MCMBP: variants seen among roughly 807,000 people sequenced by gnomAD.
The protein encoded by MCMBP is mini-chromosome maintenance complex-binding protein.
Under a neutral mutation model 81.3 loss-of-function variants are expected in MCMBP, and 31 were observed. The ratio of observed to expected loss-of-function variants is 0.38; its 90% CI spans 0.29 to 0.51. The LOEUF is 0.51. Ranked by LOEUF, MCMBP falls within the 20% of genes least tolerant of loss-of-function variation. The pLI is 0.87. For synonymous variants in MCMBP, 267 were observed against 275.9 expected, an observed-to-expected ratio of 0.97 and a Z score of 0.32; for missense variants, 645 against 772.1, an observed-to-expected ratio of 0.84 and a Z score of 1.95.
chr10:119,861,559 C>T (rs1429081840), intron 1 of MCMBP, among the ~76,000 whole-genome samples: 3 of 151,790 alleles, frequency 2.0e-5, no homozygotes, highest in Non-Finnish European at 4.4e-5. Flanking sequence ...GGTATTTTCG[C>T]TTGTATTCAA....
At chr10:119,868,375 G>A (rs577216201) in intron 1 of MCMBP, among the ~76,000 whole-genome samples, 4 of 152,284 alleles carry the variant, frequency 2.6e-5, no homozygotes, top group African/African-American at 7.2e-5. Context: ...GCAGTGAGCC[G>A]AGATCACGCC....
chr10:119,836,470 G>A (rs1933476412), intron 13 of MCMBP, among the ~76,000 whole-genome samples: 1 of 152,172 alleles, frequency 6.6e-6, no homozygotes, highest in Non-Finnish European at 1.5e-5. Context: ...ACATACCAGA[G>A]CATTTCACCA....
chr10:119,862,210 G>C (rs1177015413), intron 1 of MCMBP, among the ~76,000 whole-genome samples: 1 of 152,210 alleles, frequency 6.6e-6, no homozygotes, highest in Non-Finnish European at 1.5e-5. Flanking sequence ...GGGAGGCTGA[G>C]GCAGGAGAAT....
At chr10:119,859,002 A>C in intron 3 of MCMBP, 39 bp downstream of exon 3, 1 of 1,611,692 alleles carries the variant, frequency 6.2e-7, no homozygotes, top group Non-Finnish European at 8.5e-7. Context: ...TAAAAGGACA[A>C]AATTAATACC....
chr10:119,853,348 G>C (rs1308495799), intron 5 of MCMBP, among the ~76,000 whole-genome samples, 154 bp from the exon 6 acceptor site: 2 of 152,222 alleles, frequency 1.3e-5, no homozygotes, highest in Non-Finnish European at 2.9e-5. Context: ...TTCTGGTCAT[G>C]AGAATAACAG....
intron 11 of MCMBP, among the ~76,000 whole-genome samples, chr10:119,839,329 T>G (rs1417532057): frequency 6.6e-6 from 1 of 152,238 alleles, no homozygotes; most frequent in East Asian, 1.9e-4. Context: ...TGCTCTGCCT[T>G]ATACACCAAT....
intron 8 of MCMBP, among the ~76,000 whole-genome samples, chr10:119,846,394 T>C (rs988258544): frequency 2.6e-5 from 4 of 152,232 alleles, no homozygotes; most frequent in Non-Finnish European, 5.9e-5. Flanking sequence ...TAAATAAATG[T>C]ACTGCGTTAG....
intron 1 of MCMBP, among the ~76,000 whole-genome samples, chr10:119,862,262 G>A (rs1589798730): frequency 6.6e-6 from 1 of 152,150 alleles, no homozygotes. Flanking sequence ...GGCCAAGATT[G>A]CCCCATTGCA....
At chr10:119,838,850 G>T in intron 11 of MCMBP, 150 bp from the exon 12 acceptor site, 1 of 570,454 alleles carries the variant, frequency 1.8e-6, no homozygotes, top group Non-Finnish European at 2.9e-6. Context: ...AACTCCAGAA[G>T]CAAAAATAGT....
chr10:119,862,488 T>C (rs1015811561), intron 1 of MCMBP, among the ~76,000 whole-genome samples: 3 of 152,216 alleles, frequency 2.0e-5, no homozygotes, highest in Non-Finnish European at 2.9e-5. Flanking sequence ...TTCAAGCATA[T>C]GGGTGGTTAT....
chr10:119,853,791 A>G (rs1852921162), intron 5 of MCMBP, among the ~76,000 whole-genome samples: 1 of 152,240 alleles, frequency 6.6e-6, no homozygotes, highest in Non-Finnish European at 1.5e-5. Flanking sequence ...TGGAAGTAGT[A>G]TAATACTATA....
chr10:119,830,732 G>GTCCTT lies in MCMBP; in HGVS notation c.*737_*741dup, dbSNP rs1851996846. ...GACTCCTCTTATTCAGAGATAGATT[G>GTCCTT]TCCTTTCCTTTTATGAAAAAAATGG... On this transcript the variant is annotated 3_prime_UTR_variant, in exon 16 of 16. Coordinates refer to ENST00000369077, the MANE Select transcript of MCMBP (RefSeq NM_001256378.2). 1 of 149,732 alleles carries GTCCTT rather than the reference G, an allele frequency of 6.7e-6. No homozygotes were observed. The highest frequency in any genetic ancestry group is 2.5e-5 in the African/African-American group (1 of 40,400). The allele number at this position is 149,732 out of a possible 1,614,324, so 9.3% of individuals were successfully genotyped here. A position where few individuals can be genotyped will look rare whatever the true frequency, so the allele number is the denominator to read the frequency against.
intron 5 of MCMBP, among the ~76,000 whole-genome samples, chr10:119,854,500 C>T (rs1265073205): frequency 6.8e-6 from 1 of 147,430 alleles, no homozygotes; most frequent in African/African-American, 2.5e-5. Flanking sequence ...CTCAGGAGTT[C>T]GAGACCAGCC....
At chr10:119,866,918 G>A (rs1589802571) in intron 1 of MCMBP, among the ~76,000 whole-genome samples, 1 of 151,886 alleles carries the variant, frequency 6.6e-6, no homozygotes, top group Admixed American at 6.6e-5. Flanking sequence ...AGCAGAGATC[G>A]TGCCACTGCA....
chr10:119,831,563 T>C lies in MCMBP; in HGVS notation c.1834A>G (p.Arg612Gly). 1 of 1,614,044 alleles carries C rather than the reference T, an allele frequency of 6.2e-7. No homozygotes were observed. Among genetic ancestry groups the C allele is most frequent in the Non-Finnish European group, 8.5e-7 (1 of 1,179,940 alleles). The change falls in exon 16 of 16, where the codon AGA becomes GGA. Residue 612 changes from arginine (R) to glycine (G), a missense_variant. Physicochemically the swap from Arg to Gly is moderately radical, Grantham distance 125 (BLOSUM62 -2). Transcript: ENST00000369077. Reference protein sequence around the residue: ...SLSAGQTTLSRERWLRAKQLE... With the variant: ...SLSAGQTTLSGERWLRAKQLE... ...TGCTTTGCTCTCAGCCATCGTTCTC[T>C]TGACAGCGTTGTCTGACCAGCACTG... is the stretch of plus-strand genomic sequence containing the variant.
At position 119,830,053 on chromosome 10, in the gene MCMBP, CTAATA is replaced by C. The variant is rs1423354591; in HGVS notation, c.*1416_*1420del. On this transcript the variant is annotated 3_prime_UTR_variant, in exon 16 of 16. Coordinates refer to ENST00000369077, the MANE Select transcript of MCMBP (RefSeq NM_001256378.2). ...TATAAAAATGAAAACCAGTTCAACT[CTAATA>C]TAAACATTATTTACATTTGTTTATA... 1 of 152,574 alleles carries C rather than the reference CTAATA, an allele frequency of 6.6e-6. No homozygotes were observed. Among genetic ancestry groups the C allele is most frequent in the Non-Finnish European group, 1.5e-5 (1 of 68,028 alleles). 9.5% of individuals were successfully genotyped at this position (152,574 alleles called of 1,614,324 possible). A position where few individuals can be genotyped will look rare whatever the true frequency, so the allele number is the denominator to read the frequency against.
rs1340769250 is a variant in MCMBP at position 119,872,593 on chromosome 10, G to A, written c.-9C>T. ...TCCTCCCCACACGGCATCTCGCCAG[G>A]GGCCGGGGCCGGCGAAGACCGGGCG... On this transcript the variant is annotated 5_prime_UTR_variant, in exon 1 of 16. Transcript: ENST00000369077. The A allele has an allele frequency of 2.6e-6, 3 of 1,171,644 alleles. 1 individual carries two copies. Among genetic ancestry groups the A allele is most frequent in the East Asian group, 8.1e-5 (2 of 24,734 alleles). The allele number at this position is 1,171,644 out of a possible 1,614,324, so 72.6% of individuals were successfully genotyped here.
At chr10:119,857,280 T>C in intron 5 of MCMBP, 58 bp downstream of exon 5, 4 of 1,251,008 alleles carry the variant, frequency 3.2e-6, no homozygotes, top group Non-Finnish European at 4.6e-6. Flanking sequence ...GGAAGAATAA[T>C]TAAAGGCTAA....
intron 5 of MCMBP, among the ~76,000 whole-genome samples, chr10:119,855,083 A>G (rs1852983121): frequency 6.6e-6 from 1 of 152,186 alleles, no homozygotes; most frequent in South Asian, 2.1e-4. Flanking sequence ...CGACTGTTAA[A>G]AACAAAAATA....
Sources: gnomAD v4.1 joint callset for allele counts (sites outside exome capture counted in the v4.1 genomes callset) on GRCh38, gnomAD v4.1.1 for gene constraint, MANE v1.5 for transcripts, NCBI Gene and HGNC (gene_info 2026-07-23, HGNC 2026-07-21) for gene names.